Variants in PTPRT observed in about 807,000 individuals in gnomAD.
PTPRT encodes receptor-type tyrosine-protein phosphatase T.
Under a neutral mutation model 176.8 loss-of-function variants are expected in PTPRT, and 56 were observed. The observed-to-expected ratio is 0.32, with a 90% CI of 0.26 to 0.40. The LOEUF (loss-of-function observed/expected upper bound fraction) is 0.40, where lower values mean the gene tolerates loss of function less well. Among genes scored for constraint, PTPRT ranks in the 10% least tolerant of loss-of-function variants. The probability of loss-of-function intolerance (pLI) is 1.00; values close to 1 mark genes in which losing one functional copy is unlikely to be tolerated. For missense variants in PTPRT, 1,540 were observed against 1,908.2 expected (o/e 0.81, Z 3.60); for synonymous variants, 783 against 739.0 (o/e 1.06, Z -0.96).
chr20:43,019,509 C>T (rs1356374353), intron 1 of PTPRT, among the ~76,000 whole-genome samples: 1 of 150,744 alleles, frequency 6.6e-6, no homozygotes, highest in Non-Finnish European at 1.5e-5. Flanking sequence ...ATCCCAGCTA[C>T]TTGGGAGGCT....
chr20:42,463,621 T>A (rs2071058181), intron 8 of PTPRT, among the ~76,000 whole-genome samples: 1 of 152,076 alleles, frequency 6.6e-6, no homozygotes, highest in Non-Finnish European at 1.5e-5. Flanking sequence ...CCTCCTCTCC[T>A]CTCTTTATCT....
At chr20:42,746,807 G>A (rs886096097) in intron 6 of PTPRT, among the ~76,000 whole-genome samples, 12 of 152,158 alleles carry the variant, frequency 7.9e-5, no homozygotes, top group Admixed American at 7.9e-4. Flanking sequence ...CATGAGATGA[G>A]AGGAGGAGGT....
chr20:42,305,810 C>T (rs192369197), intron 12 of PTPRT, among the ~76,000 whole-genome samples: 12 of 152,238 alleles, frequency 7.9e-5, no homozygotes, highest in Admixed American at 2.0e-4. Flanking sequence ...AGCTAAGAAA[C>T]GGAAAAGCCA....
At chr20:42,986,161 T>C (rs1290168023) in intron 1 of PTPRT, among the ~76,000 whole-genome samples, 1 of 152,226 alleles carries the variant, frequency 6.6e-6, no homozygotes, top group Non-Finnish European at 1.5e-5. Context: ...TCTGACACTA[T>C]GCCAACGAAT....
At chr20:43,072,596 T>C (rs905199266) in intron 1 of PTPRT, among the ~76,000 whole-genome samples, 3 of 152,226 alleles carry the variant, frequency 2.0e-5, no homozygotes, top group Admixed American at 6.5e-5. Context: ...TGCTAGCTGC[T>C]TGCAAATTAC....
chr20:42,681,889 C>A (rs973776273), intron 6 of PTPRT, among the ~76,000 whole-genome samples: 5 of 152,242 alleles, frequency 3.3e-5, no homozygotes, highest in African/African-American at 1.2e-4. Flanking sequence ...ACACACACAA[C>A]AACATGAGTA....
chr20:42,392,412 A>T (rs2058808629), intron 9 of PTPRT, among the ~76,000 whole-genome samples: 1 of 151,698 alleles, frequency 6.6e-6, no homozygotes, highest in Admixed American at 6.6e-5. Context: ...TTGCTTTACT[A>T]ATCTTTCTTT....
chr20:42,204,146 G>A (rs1430079508), intron 15 of PTPRT, among the ~76,000 whole-genome samples: 2 of 152,110 alleles, frequency 1.3e-5, no homozygotes, highest in African/African-American at 4.8e-5. Context: ...AAAATTAGCT[G>A]GTGACCTGGA....
chr20:42,913,111 G>A (rs1978507334), intron 1 of PTPRT, among the ~76,000 whole-genome samples: 1 of 152,142 alleles, frequency 6.6e-6, no homozygotes, highest in South Asian at 2.1e-4. Flanking sequence ...TAAAACGACT[G>A]TATGGATACA....
chr20:42,405,185 C>A (rs1156911756), intron 9 of PTPRT, among the ~76,000 whole-genome samples: 1 of 145,160 alleles, frequency 6.9e-6, no homozygotes, highest in East Asian at 2.0e-4. Context: ...GGCCACATTT[C>A]TTTTTTTTTT....
intron 6 of PTPRT, among the ~76,000 whole-genome samples, chr20:42,680,150 C>T (rs1439512187): frequency 6.6e-6 from 1 of 152,192 alleles, no homozygotes; most frequent in African/African-American, 2.4e-5. Flanking sequence ...ACGCACTAAG[C>T]ATTTCCCTTC....
intron 6 of PTPRT, among the ~76,000 whole-genome samples, chr20:42,711,032 C>A (rs983321266): frequency 2.0e-5 from 3 of 152,228 alleles, no homozygotes; most frequent in African/African-American, 7.2e-5. Context: ...GCCAATTTCT[C>A]CCTTCTGGAA....
the PTPRT span, among the ~76,000 whole-genome samples, chr20:42,043,284 C>G: frequency 6.6e-6 from 1 of 152,220 alleles, no homozygotes; most frequent in Admixed American, 6.5e-5. Context: ...TTGGGAACCA[C>G]TGCCCTAGAC....
At chr20:42,679,678 G>A (rs1215748970) in intron 6 of PTPRT, among the ~76,000 whole-genome samples, 1 of 151,728 alleles carries the variant, frequency 6.6e-6, no homozygotes, top group Non-Finnish European at 1.5e-5. Flanking sequence ...TAGACCCAAT[G>A]TAGATTCATT....
At chr20:42,233,419 T>C (rs2056176232) in intron 15 of PTPRT, among the ~76,000 whole-genome samples, 1 of 152,198 alleles carries the variant, frequency 6.6e-6, no homozygotes, top group South Asian at 2.1e-4. Flanking sequence ...GGGAATGACT[T>C]AGCTTCTCAG....
chr20:43,133,450 A>C (rs2013708994), intron 1 of PTPRT, among the ~76,000 whole-genome samples: 1 of 152,222 alleles, frequency 6.6e-6, no homozygotes, highest in Non-Finnish European at 1.5e-5. Context: ...GGTTGTTAAA[A>C]GCATTAGAGT....
At chr20:42,147,312 G>C (rs1600588594) in intron 17 of PTPRT, among the ~76,000 whole-genome samples, 1 of 152,296 alleles carries the variant, frequency 6.6e-6, no homozygotes, top group East Asian at 1.9e-4. Flanking sequence ...AAATTGCCTA[G>C]TTGTGTTCCC....
At chr20:43,185,996 A>T (rs1568833184) in intron 1 of PTPRT, among the ~76,000 whole-genome samples, 1 of 151,986 alleles carries the variant, frequency 6.6e-6, no homozygotes, top group Non-Finnish European at 1.5e-5. Flanking sequence ...TTCACTATTT[A>T]GCATAAGACT....
At chr20:43,178,470 G>GA (rs112462167) in intron 1 of PTPRT, among the ~76,000 whole-genome samples, 2,668 of 152,244 alleles carry the variant, frequency 0.018, 88 homozygotes, top group African/African-American at 0.061. Context: ...TTAAAAAGGT[G>GA]AAAAAATAAT....
Sources: gnomAD v4.1 joint callset for allele counts (sites outside exome capture counted in the v4.1 genomes callset) on GRCh38, gnomAD v4.1.1 for gene constraint, MANE v1.5 for transcripts, NCBI Gene and HGNC (gene_info 2026-07-23, HGNC 2026-07-21) for gene names.